TASP1: variants seen among roughly 807,000 people sequenced by gnomAD.
TASP1 encodes threonine aspartase 1.
Under a neutral mutation model 56.6 loss-of-function variants are expected in TASP1, and 16 were observed. The ratio of observed to expected loss-of-function variants is 0.28; its 90% CI spans 0.19 to 0.43. The LOEUF (loss-of-function observed/expected upper bound fraction) is 0.43, where lower values mean the gene tolerates loss of function less well. Ranked by LOEUF, TASP1 falls within the 20% of genes least tolerant of loss-of-function variation. TASP1 has a pLI of 1.00. For synonymous variants in TASP1, 179 were observed against 184.2 expected (o/e 0.97, Z 0.23); for missense variants, 393 against 511.6 (o/e 0.77, Z 2.24).
At chr20:13,507,618 C>T (rs1365707635) in intron 10 of TASP1, among the ~76,000 whole-genome samples, 3 of 152,134 alleles carry the variant, frequency 2.0e-5, no homozygotes, top group Admixed American at 1.3e-4. Flanking sequence ...TCTGTGTTCA[C>T]GGACTGAAAG....
the TASP1 span, among the ~76,000 whole-genome samples, chr20:13,326,647 C>A: frequency 3.6e-4 from 55 of 152,268 alleles, 2 homozygotes; most frequent in South Asian, 0.011. Context: ...CTTTGCCTTT[C>A]ATAAATCCTT....
intron 13 of TASP1, among the ~76,000 whole-genome samples, chr20:13,399,573 C>T (rs899995643): frequency 2.0e-5 from 3 of 152,322 alleles, no homozygotes; most frequent in Middle Eastern, 3.4e-3. Context: ...TCCAACCCAA[C>T]AGCAAATCCC....
At chr20:13,525,238 T>G (rs2044927874) in intron 10 of TASP1, among the ~76,000 whole-genome samples, 1 of 152,174 alleles carries the variant, frequency 6.6e-6, no homozygotes, top group African/African-American at 2.4e-5. Flanking sequence ...GTCAACTTAC[T>G]TACCCCTTAC....
chr20:13,400,175 G>C (rs2041685735), intron 13 of TASP1, among the ~76,000 whole-genome samples: 1 of 152,082 alleles, frequency 6.6e-6, no homozygotes, highest in South Asian at 2.1e-4. Flanking sequence ...CTTGTCGCTT[G>C]GTTCACTATG....
chr20:13,334,014 C>T, the TASP1 span, among the ~76,000 whole-genome samples: 1 of 152,300 alleles, frequency 6.6e-6, no homozygotes, highest in African/African-American at 2.4e-5. Context: ...TTTCAAAATT[C>T]CTGGCAGAAC....
chr20:13,307,707 T>C, the TASP1 span, among the ~76,000 whole-genome samples: 2 of 152,236 alleles, frequency 1.3e-5, no homozygotes, highest in African/African-American at 4.8e-5. Context: ...CTGTGAGGTC[T>C]GGCATATTTT....
intron 11 of TASP1, among the ~76,000 whole-genome samples, chr20:13,478,740 G>A (rs1465437900): frequency 6.6e-6 from 1 of 151,992 alleles, no homozygotes; most frequent in Non-Finnish European, 1.5e-5. Context: ...GTGAACTTAG[G>A]TTAATTGTAA....
the TASP1 span, among the ~76,000 whole-genome samples, chr20:13,219,682 G>A: frequency 6.6e-6 from 1 of 152,232 alleles, no homozygotes; most frequent in African/African-American, 2.4e-5. Context: ...GAGTTAGTTA[G>A]AATTTTAAAG....
the TASP1 span, among the ~76,000 whole-genome samples, chr20:13,287,743 G>T: frequency 1.3e-5 from 2 of 152,196 alleles, no homozygotes; most frequent in Non-Finnish European, 2.9e-5. Flanking sequence ...TTCACTGGAT[G>T]GATGTTGAAT....
the TASP1 span, among the ~76,000 whole-genome samples, chr20:13,307,988 C>T: frequency 6.6e-6 from 1 of 152,060 alleles, no homozygotes; most frequent in Admixed American, 6.6e-5. Context: ...TTGATACTGC[C>T]CAGTAGTTTT....
the TASP1 span, among the ~76,000 whole-genome samples, chr20:13,274,942 A>G: frequency 0.41 from 62,864 of 152,076 alleles, 13,273 homozygotes; most frequent in African/African-American, 0.47. Context: ...GGGTTTTATC[A>G]AAAACAAAAA....
the TASP1 span, among the ~76,000 whole-genome samples, chr20:13,173,022 C>T: frequency 6.6e-6 from 1 of 152,308 alleles, no homozygotes; most frequent in South Asian, 2.1e-4. Context: ...GCTCCACCAA[C>T]CCCTAGGACT....
chr20:13,335,524 T>G, the TASP1 span, among the ~76,000 whole-genome samples: 75 of 152,170 alleles, frequency 4.9e-4, no homozygotes, highest in Non-Finnish European at 2.8e-4. Flanking sequence ...CTCTTGAATA[T>G]AAACATACCA....
chr20:13,399,114 T>C (rs985354211), intron 13 of TASP1, among the ~76,000 whole-genome samples: 2 of 152,140 alleles, frequency 1.3e-5, no homozygotes, highest in Non-Finnish European at 2.9e-5. Flanking sequence ...CCCTTTTCCC[T>C]TGTTTTTTAG....
At chr20:13,360,659 A>T in the TASP1 span, among the ~76,000 whole-genome samples, 1 of 151,802 alleles carries the variant, frequency 6.6e-6, no homozygotes, top group Admixed American at 6.6e-5. Flanking sequence ...TGCTCAACTC[A>T]CTCTCTAAAG....
At chr20:13,126,269 C>T in the TASP1 span, among the ~76,000 whole-genome samples, 1 of 152,196 alleles carries the variant, frequency 6.6e-6, no homozygotes, top group Non-Finnish European at 1.5e-5. Context: ...AACACAAAGT[C>T]AGTGCTCACA....
At chr20:13,128,498 C>A in the TASP1 span, among the ~76,000 whole-genome samples, 1 of 152,122 alleles carries the variant, frequency 6.6e-6, no homozygotes, top group Non-Finnish European at 1.5e-5. Context: ...CACATGGCCC[C>A]CATGGTTACC....
intron 11 of TASP1, among the ~76,000 whole-genome samples, chr20:13,439,686 C>A (rs1258225299): frequency 6.6e-6 from 1 of 151,728 alleles, no homozygotes; most frequent in African/African-American, 2.4e-5. Flanking sequence ...AAAAGAGTAA[C>A]ACAGGGAAAA....
chr20:13,126,669 A>G, the TASP1 span: 6 of 1,614,088 alleles, frequency 3.7e-6, no homozygotes, highest in East Asian at 1.3e-4. Context: ...AGCAGAGCAA[A>G]TCATCAGATC....
Sources: allele counts gnomAD v4.1 joint callset (sites outside exome capture counted in the v4.1 genomes callset), GRCh38; gene constraint gnomAD v4.1.1; transcripts MANE v1.5; gene names NCBI Gene and HGNC (gene_info 2026-07-23, HGNC 2026-07-21).